ANO8: variants seen among roughly 807,000 people sequenced by gnomAD.
ANO8 encodes anoctamin 8.
In ANO8, 67 loss-of-function variants were observed where a neutral mutation model predicts 120.4. That is an observed-to-expected ratio of 0.56 (90% confidence interval 0.46 to 0.68). ANO8 has a LOEUF of 0.68. Ranked by LOEUF, ANO8 falls within the 30% of genes least tolerant of loss-of-function variation. ANO8 has a pLI of 0.00. For missense variants in ANO8, 1,526 were observed against 1,737.6 expected (o/e 0.88, Z 2.16); for synonymous variants, 727 against 759.2 (o/e 0.96, Z 0.70).
Position 17,328,472 on chromosome 19 carries a change from T to TCCTC in ANO8, c.1912_1915dup (p.Glu639GlyfsTer34). ...CTTCTCCACCATAGTGGGGCTCCCT[T>TCCTC]CCTCCAGGAGGGCCTCCGGGCTTGG... On this transcript the variant is annotated frameshift_variant, in exon 13 of 18. Transcript: ENST00000159087. LOFTEE classifies it high-confidence loss of function. The TCCTC allele has an allele frequency of 6.4e-7, 1 of 1,572,020 alleles. No individual in the cohort carries two copies. The highest frequency in any genetic ancestry group is 8.6e-7 in the Non-Finnish European group (1 of 1,163,530).
In ANO8 at chr19:17,333,575, C is replaced by G. The variant is rs757172572; in HGVS notation, c.218-21G>C. The G allele has an allele frequency of 1.9e-6, 3 of 1,607,450 alleles. No individual in the cohort carries two copies. The Admixed American group carries it at 5.1e-5, about 27-fold the overall frequency. ...CGTGTCTGCCAAGGGGCACAGGGAC[C>G]GATGGCTCCTGCCACGAGGGGGCCC... On this transcript the variant is annotated intron_variant, in intron 2 of 17. Transcript: ENST00000159087. This position sits in a 1 kb window ranked among gnomAD's most constrained non-coding sequence, Gnocchi z 7.2.
At chr19:17,332,288 C>T (rs149997833) in intron 5 of ANO8, among the ~76,000 whole-genome samples, 1 of 151,620 alleles carries the variant, frequency 6.6e-6, no homozygotes, top group Non-Finnish European at 1.5e-5. Context: ...GCTCTGTCAC[C>T]CAGGCTGGAC....
rs770449557 is a variant in ANO8, at chr19:17,328,425, T to C, written c.1963A>G (p.Thr655Ala). The C allele has an allele frequency of 7.4e-6, 10 of 1,350,432 alleles. No homozygotes were observed. The East Asian group carries it at 3.5e-4, about 48-fold the overall frequency. 83.7% of individuals were successfully genotyped at this position (1,350,432 alleles called of 1,614,324 possible). ...GCCTCGTCGTCCTCCTCGGCCAGGGTGAACACTCCCGGCTCCAGCCCCTTC... is the reference window on the plus strand; with the variant it reads ...GCCTCGTCGTCCTCCTCGGCCAGGGCGAACACTCCCGGCTCCAGCCCCTTC... ...VEKGLEPGVF[T>A]LAEEDDEAEG... Residue 655 changes from threonine (T) to alanine (A), a missense_variant, in exon 13 of 18, where the codon ACC becomes GCC. By Grantham distance (58) the Thr-to-Ala change is moderately conservative (BLOSUM62 0). Coordinates refer to ENST00000159087, the MANE Select transcript of ANO8 (RefSeq NM_020959.3).
In ANO8 at chr19:17,334,787, C is replaced by A; in HGVS notation, c.-117G>T. On this transcript the variant is annotated 5_prime_UTR_variant, in exon 1 of 18. Coordinates refer to ENST00000159087, the MANE Select transcript of ANO8 (RefSeq NM_020959.3). ...AGGAGGAGACAAAGGCCGCGCCCGC[C>A]CGCGCCGGCCTCGGTCCTCGCTCGC... The A allele has an allele frequency of 8.6e-7, 1 of 1,165,228 alleles. No homozygotes were observed. The highest frequency in any genetic ancestry group is 1.1e-6 in the Non-Finnish European group (1 of 879,332). The allele number at this position is 1,165,228 out of a possible 1,614,324, so 72.2% of individuals were successfully genotyped here. A position where few individuals can be genotyped will look rare whatever the true frequency, so the allele number is the denominator to read the frequency against.
intron 17 of ANO8, 98 bp from the exon 18 acceptor site, chr19:17,323,982 A>G (rs1208939793): frequency 9.7e-7 from 1 of 1,031,750 alleles, no homozygotes; most frequent in Non-Finnish European, 1.2e-6. Flanking sequence ...GCATCCAGGC[A>G]CATAAAGGCC....
In ANO8 at chr19:17,333,300, G is replaced by T; in HGVS notation, c.351-61C>A. On this transcript the variant is annotated intron_variant, in intron 3 of 17. Coordinates refer to ENST00000159087, the MANE Select transcript of ANO8 (RefSeq NM_020959.3). This position sits in a 1 kb window ranked among gnomAD's most constrained non-coding sequence, Gnocchi z 7.2. Reference sequence around the variant, plus strand: ...GGCCCCGGCCCACCATCCTGGAGCTGAGGATGGTGCACCTGGCAGCCTTTG... The same window carrying T: ...GGCCCCGGCCCACCATCCTGGAGCTTAGGATGGTGCACCTGGCAGCCTTTG... 6.2e-7 allele frequency: 1 copy of T among 1,601,846 alleles called. No homozygotes were observed. Among genetic ancestry groups the T allele is most frequent in the Non-Finnish European group, 8.5e-7 (1 of 1,172,220 alleles).
At chr19:17,329,342 G>T (rs1277447254) in intron 12 of ANO8, 7 of 336,554 alleles carry the variant, frequency 2.1e-5, no homozygotes, top group African/African-American at 1.5e-4. Context: ...AGCTCGGCGC[G>T]CCAGGCCCCC....
At position 17,324,960 on chromosome 19, in the gene ANO8, G is replaced by A; in HGVS notation, c.3088C>T (p.Leu1030Phe). Residue 1030 changes from leucine to phenylalanine, a missense_variant, in exon 17 of 18, where the codon CTC (leucine) becomes TTC (phenylalanine). This residue lies in a region of ANO8 where 489 missense variants were observed against 548.6 expected (regional missense o/e 0.89). Coordinates refer to ENST00000159087, the MANE Select transcript of ANO8 (RefSeq NM_020959.3). ...RLPAFLSFKF[L>F]KSPETRRDSE... ...TCCCGCCGGGTCTCGGGTGACTTGA[G>A]GAACTTGAAGCTGAGGAAGGCAGGC... The A allele has an allele frequency of 6.2e-7, 1 of 1,613,332 alleles. No individual in the cohort carries two copies. Among genetic ancestry groups the A allele is most frequent in the Non-Finnish European group, 8.5e-7 (1 of 1,179,948 alleles).
At chr19:17,324,414 C>T (rs979662524) in intron 17 of ANO8, among the ~76,000 whole-genome samples, 1 of 152,054 alleles carries the variant, frequency 6.6e-6, no homozygotes, top group Admixed American at 6.6e-5. Flanking sequence ...GGTTGGGAAA[C>T]AGGCCTCCCT....
chr19:17,328,954 C>A lies in ANO8; in HGVS notation c.1434G>T (p.Gln478His), dbSNP rs1443817857. The A allele has an allele frequency of 2.7e-6, 4 of 1,507,514 alleles. No homozygotes were observed. The highest frequency in any genetic ancestry group is 2.1e-5 in the Admixed American group (1 of 47,866). The allele number at this position is 1,507,514 out of a possible 1,614,324, so 93.4% of individuals were successfully genotyped here. ...EMLATLLITR[Q>H]FLQNVREVLQ... is the part of the protein sequence containing the mutation. ...GGACCTCGCGCACGTTCTGGAGGAA[C>A]TGGCGGGTGATCAGCAGCGTGGCCA... is the stretch of plus-strand genomic sequence containing the variant. Residue 478 changes from glutamine to histidine, a missense_variant, in exon 13 of 18, where the codon CAG becomes CAT. Gln to His is a conservative substitution (Grantham distance 24). Coordinates refer to ENST00000159087, the MANE Select transcript of ANO8 (RefSeq NM_020959.3).
chr19:17,324,023 G>C, intron 17 of ANO8, 139 bp from the exon 18 acceptor site: 1 of 968,254 alleles, frequency 1.0e-6, no homozygotes, highest in Non-Finnish European at 1.3e-6. Flanking sequence ...CTGAGGTGGG[G>C]CGGCCCCCTG....
Position 17,333,852 on chromosome 19 carries a change from G to A in ANO8, c.107-52C>T, listed in dbSNP as rs773170522. On this transcript the variant is annotated intron_variant, in intron 1 of 17. Coordinates refer to ENST00000159087, the MANE Select transcript of ANO8 (RefSeq NM_020959.3). This position sits in a 1 kb window ranked among gnomAD's most constrained non-coding sequence, Gnocchi z 7.2. ...TCAGGCCACTCTGGGATCCGGACCC[G>A]GCCTCCAGTCTTGGCTCCTCCTGCC... is the stretch of plus-strand genomic sequence containing the variant. The A allele has an allele frequency of 8.1e-6, 12 of 1,482,970 alleles. No homozygotes were observed. In the African/African-American group the frequency reaches 1.5e-4, roughly 19 times the overall value. 91.9% of individuals were successfully genotyped at this position (1,482,970 alleles called of 1,614,324 possible).
rs2074331460 is a variant in ANO8 at position 17,333,085 on chromosome 19, C to A, written c.489+16G>T. The A allele has an allele frequency of 6.2e-7, 1 of 1,613,608 alleles. No individual in the cohort carries two copies. The highest frequency in any genetic ancestry group is 1.1e-5 in the South Asian group (1 of 91,082). On this transcript the variant is annotated intron_variant, in intron 4 of 17. Coordinates refer to ENST00000159087, the MANE Select transcript of ANO8 (RefSeq NM_020959.3). The surrounding 1 kb of genome is among the most constrained non-coding windows in gnomAD (Gnocchi z 7.2). ...ATAGGCACAGGATGCATGCGGGGGC[C>A]CAGAGCCGGCCTCACCTGGGAGGTG...
chr19:17,329,527 C>T, intron 12 of ANO8: 1 of 578,456 alleles, frequency 1.7e-6, no homozygotes. Flanking sequence ...GGGACAGGGA[C>T]AGGACGAGCA....
intron 12 of ANO8, chr19:17,329,242 GT>G: frequency 2.2e-6 from 1 of 445,154 alleles, no homozygotes; most frequent in Non-Finnish European, 4.0e-6. Context: ...CGCGGGCTCT[GT>G]CGGTGCACTG....
chr19:17,328,323 G>C lies in ANO8; in HGVS notation c.2065C>G (p.Gln689Glu). The C allele has an allele frequency of 1.3e-6, 2 of 1,593,512 alleles. No individual in the cohort carries two copies. The highest frequency in any genetic ancestry group is 1.7e-6 in the Non-Finnish European group (2 of 1,172,680). Residue 689 changes from glutamine to glutamate, a missense_variant, in exon 13 of 18, where the codon CAG (glutamine) becomes GAG (glutamate). Coordinates refer to ENST00000159087, the MANE Select transcript of ANO8 (RefSeq NM_020959.3). The stretch of plus-strand genomic sequence containing the variant: ...GGGTCCGGGCCCCCGTCGGGCCCCT[G>C]GTCTCGGCCCTCGCCCCCGGCCCGG... ...FRRAGGEGRD[Q>E]GPDGGPDPEP...
In ANO8 at chr19:17,333,039, G is replaced by T. The variant is rs780007512; in HGVS notation, c.490-13C>A. On this transcript the variant is annotated splice_polypyrimidine_tract_variant and intron_variant, in intron 4 of 17. Coordinates refer to ENST00000159087, the MANE Select transcript of ANO8 (RefSeq NM_020959.3). This position sits in a 1 kb window ranked among gnomAD's most constrained non-coding sequence, Gnocchi z 7.2. The stretch of plus-strand genomic sequence containing the variant: ...TGCTCTGGCGTTCCTGCGAGGAAGA[G>T]GGCGTGAGCTCAGGGAACTCATAGG... The T allele has an allele frequency of 6.2e-7, 1 of 1,614,068 alleles. No individual in the cohort carries two copies. The highest frequency in any genetic ancestry group is 8.5e-7 in the Non-Finnish European group (1 of 1,180,030).
intron 1 of ANO8, among the ~76,000 whole-genome samples, chr19:17,334,114 C>G (rs1052531489): frequency 1.3e-5 from 2 of 152,250 alleles, no homozygotes; most frequent in Non-Finnish European, 2.9e-5. Context: ...TATGACAGCG[C>G]CGTCCTTGCA....
chr19:17,332,464 C>T (rs994688510), intron 5 of ANO8, among the ~76,000 whole-genome samples: 1 of 152,152 alleles, frequency 6.6e-6, no homozygotes, highest in African/African-American at 2.4e-5. Flanking sequence ...TAAAAACTTG[C>T]TGTCGGAAGG....
Sources: allele counts gnomAD v4.1 joint callset (sites outside exome capture counted in the v4.1 genomes callset), GRCh38; gene constraint gnomAD v4.1.1; regional missense constraint gnomAD v4.1.1; non-coding constraint Gnocchi (gnomAD v3.1); transcripts MANE v1.5; gene names NCBI Gene and HGNC (gene_info 2026-07-23, HGNC 2026-07-21).